The following METTL15 variants were observed in gnomAD, a reference collection of about 807,000 sequenced individuals.
The protein encoded by METTL15 is 12S rRNA N(4)-cytidine methyltransferase METTL15.
Under a neutral mutation model 38.3 loss-of-function variants are expected in METTL15, and 34 were observed. That is an observed-to-expected ratio of 0.89 (90% CI 0.68 to 1.18). The LOEUF is 1.18. Among genes scored for constraint, METTL15 ranks in the 50% most tolerant of loss-of-function variants. The probability of loss-of-function intolerance (pLI) is 0.00; values close to 1 mark genes in which losing one functional copy is unlikely to be tolerated. For missense variants in METTL15, 438 were observed against 498.4 expected, an observed-to-expected ratio of 0.88 and a Z score of 1.15; for synonymous variants, 162 against 170.9, an observed-to-expected ratio of 0.95 and a Z score of 0.41.
intron 6 of METTL15, among the ~76,000 whole-genome samples, chr11:28,466,646 C>G (rs949707709): frequency 1.3e-5 from 2 of 152,196 alleles, no homozygotes; most frequent in African/African-American, 4.8e-5. Context: ...GCGGCTCCCT[C>G]GGTACATCAC....
At chr11:28,297,772 AT>A (rs911425274) in intron 6 of METTL15, among the ~76,000 whole-genome samples, 12 of 151,878 alleles carry the variant, frequency 7.9e-5, no homozygotes, top group African/African-American at 2.9e-4. Flanking sequence ...ATGTATTAAG[AT>A]TTTTTTTCAG....
chr11:28,176,676 GT>G (rs1851087874), intron 3 of METTL15, among the ~76,000 whole-genome samples: 2 of 152,194 alleles, frequency 1.3e-5, no homozygotes, highest in Non-Finnish European at 2.9e-5. Context: ...ACAGTATTAT[GT>G]GTGGTCTTTG....
intron 5 of METTL15, among the ~76,000 whole-genome samples, chr11:28,394,514 T>G (rs571275980): frequency 3.9e-5 from 6 of 151,934 alleles, no homozygotes; most frequent in Non-Finnish European, 7.4e-5. Context: ...AGGAGTGTGG[T>G]CTTGGAGGTG....
At chr11:28,153,529 T>A (rs1850164726) in intron 3 of METTL15, among the ~76,000 whole-genome samples, 1 of 152,072 alleles carries the variant, frequency 6.6e-6, no homozygotes, top group Admixed American at 6.6e-5. Context: ...ACAGTTGGGA[T>A]TGGATAAATG....
chr11:28,233,715 A>C (rs1694955613), intron 4 of METTL15, among the ~76,000 whole-genome samples: 3 of 152,100 alleles, frequency 2.0e-5, no homozygotes, highest in Non-Finnish European at 4.4e-5. Flanking sequence ...GTATAAATAC[A>C]TGAGTGGTGA....
rs1200212910 is a variant in METTL15 at position 28,333,238 on chromosome 11, G to A, written c.*2397G>A. On this transcript the variant is annotated 3_prime_UTR_variant, in exon 7 of 7. Transcript: ENST00000407364. ...GACAGAAAAAAATCTTGGATAATAT[G>A]CATGAGAAAAATCCTTCAATAAACA... 6.6e-6 allele frequency: 1 copy of A among 151,970 alleles called. No individual in the cohort carries two copies. The highest frequency in any genetic ancestry group is 1.5e-5 in the Non-Finnish European group (1 of 68,012). The allele number at this position is 151,970 out of a possible 1,614,324, so 9.4% of individuals were successfully genotyped here. A position where few individuals can be genotyped will look rare whatever the true frequency, so the allele number is the denominator to read the frequency against.
intron 3 of METTL15, among the ~76,000 whole-genome samples, chr11:28,348,744 T>C (rs1232165155): frequency 6.6e-6 from 1 of 151,946 alleles, no homozygotes; most frequent in East Asian, 1.9e-4. Context: ...ATTTATATCA[T>C]TGGGGTACTA....
intron 3 of METTL15, among the ~76,000 whole-genome samples, chr11:28,168,317 A>G (rs1307803803): frequency 6.6e-6 from 1 of 152,024 alleles, no homozygotes; most frequent in Non-Finnish European, 1.5e-5. Context: ...GCAAGTAAGC[A>G]ATTACTGCTG....
At chr11:28,134,868 G>A (rs989870809) in intron 3 of METTL15, among the ~76,000 whole-genome samples, 22 of 152,138 alleles carry the variant, frequency 1.4e-4, no homozygotes, top group African/African-American at 4.1e-4. Context: ...CTAAGATTTG[G>A]GTGCATGGGG....
intron 3 of METTL15, among the ~76,000 whole-genome samples, chr11:28,156,648 T>C (rs1850275388): frequency 6.6e-6 from 1 of 152,164 alleles, no homozygotes; most frequent in South Asian, 2.1e-4. Flanking sequence ...TAACCAAACA[T>C]GTGTACAAGG....
At chr11:28,336,807 A>G (rs757412606), downstream of METTL15, among the ~76,000 whole-genome samples, 30 of 152,150 alleles carry the variant, frequency 2.0e-4, no homozygotes, top group Non-Finnish European at 3.4e-4. Flanking sequence ...TTATGTATTT[A>G]CTATGTTTTA....
intron 3 of METTL15, among the ~76,000 whole-genome samples, chr11:28,136,903 TAA>T (rs201717459): frequency 2.1e-5 from 3 of 143,442 alleles, no homozygotes; most frequent in Non-Finnish European, 1.5e-5. Context: ...AATGATGACT[TAA>T]AAAAAAAAAA....
At chr11:28,312,181 A>G (rs1294460966) in intron 6 of METTL15, among the ~76,000 whole-genome samples, 1 of 152,214 alleles carries the variant, frequency 6.6e-6, no homozygotes, top group Non-Finnish European at 1.5e-5. Flanking sequence ...AATAAGCTGT[A>G]AGCTTGGAAT....
At chr11:28,511,034 T>G (rs1365712441) in intron 6 of METTL15, among the ~76,000 whole-genome samples, 1 of 152,176 alleles carries the variant, frequency 6.6e-6, no homozygotes, top group Admixed American at 6.5e-5. Flanking sequence ...AAGATTTTTT[T>G]ACAATTAAAG....
intron 5 of METTL15, among the ~76,000 whole-genome samples, chr11:28,387,106 A>G (rs1179380013): frequency 6.6e-6 from 1 of 152,020 alleles, no homozygotes; most frequent in Non-Finnish European, 1.5e-5. Context: ...CGTTAAAAGG[A>G]GAAGGATCTT....
At chr11:28,186,635 G>T (rs1339370974) in intron 3 of METTL15, among the ~76,000 whole-genome samples, 1 of 151,094 alleles carries the variant, frequency 6.6e-6, no homozygotes, top group African/African-American at 2.4e-5. Context: ...GAAGGTTAAA[G>T]TGAGAAGGAA....
At chr11:28,391,023 C>T (rs1369656942) in intron 5 of METTL15, among the ~76,000 whole-genome samples, 5 of 152,092 alleles carry the variant, frequency 3.3e-5, no homozygotes, top group South Asian at 2.1e-4. Flanking sequence ...TGATTTGCCT[C>T]GCTGTTTGTC....
intron 3 of METTL15, among the ~76,000 whole-genome samples, chr11:28,151,735 G>C (rs1850096812): frequency 6.6e-6 from 1 of 151,864 alleles, no homozygotes; most frequent in African/African-American, 2.4e-5. Flanking sequence ...TATATTTCTA[G>C]CATTTAGCAC....
intron 4 of METTL15, among the ~76,000 whole-genome samples, chr11:28,236,531 C>T (rs1853985379): frequency 6.6e-6 from 1 of 152,122 alleles, no homozygotes. Flanking sequence ...CTGGTTTAGT[C>T]TTGGGAGAGT....
Sources: gnomAD v4.1 joint callset for allele counts (sites outside exome capture counted in the v4.1 genomes callset) on GRCh38, gnomAD v4.1.1 for gene constraint, MANE v1.5 for transcripts, NCBI Gene and HGNC (gene_info 2026-07-23, HGNC 2026-07-21) for gene names.